Variants in SPATA17 observed in about 807,000 individuals in gnomAD.
SPATA17 encodes spermatogenesis associated 17, also known as spermatogenesis-associated protein 17.
In SPATA17, 53 loss-of-function variants were observed where a neutral mutation model predicts 62.2. That is an observed-to-expected ratio of 0.85 (90% CI 0.68 to 1.07). The LOEUF is 1.07. SPATA17 is among the 50% of genes least tolerant of loss of function. SPATA17 has a pLI of 0.00. For synonymous variants in SPATA17, 146 were observed against 146.8 expected, an observed-to-expected ratio of 0.99 and a Z score of 0.04; for missense variants, 466 against 425.5, an observed-to-expected ratio of 1.10 and a Z score of -0.84.
At chr1:217,853,373 T>A (rs186216250) in intron 9 of SPATA17, among the ~76,000 whole-genome samples, 37 of 152,324 alleles carry the variant, frequency 2.4e-4, no homozygotes, top group African/African-American at 8.7e-4. Context: ...TAAAGAATTA[T>A]TTACAATTCA....
At chr1:217,802,685 G>A (rs1571815261) in intron 9 of SPATA17, among the ~76,000 whole-genome samples, 5 of 152,160 alleles carry the variant, frequency 3.3e-5, no homozygotes, top group Admixed American at 3.3e-4. Flanking sequence ...CCTCCTTACA[G>A]GTTCCGTCTC....
chr1:217,855,129 T>A (rs780466703), intron 9 of SPATA17, among the ~76,000 whole-genome samples: 18 of 152,212 alleles, frequency 1.2e-4, no homozygotes, highest in Admixed American at 4.6e-4. Flanking sequence ...CAGTTTCAAT[T>A]GTTATTCCCC....
intron 8 of SPATA17, among the ~76,000 whole-genome samples, chr1:217,799,154 A>C (rs1674231039): frequency 6.6e-6 from 1 of 152,146 alleles, no homozygotes; most frequent in African/African-American, 2.4e-5. Flanking sequence ...TAAAATATCT[A>C]AATATTTTTG....
chr1:217,778,549 T>C (rs1248503399), intron 7 of SPATA17, among the ~76,000 whole-genome samples: 1 of 152,058 alleles, frequency 6.6e-6, no homozygotes, highest in Non-Finnish European at 1.5e-5. Context: ...TAAACCACGT[T>C]GCATGCTATA....
chr1:217,767,131 A>G (rs1673319640), intron 6 of SPATA17, among the ~76,000 whole-genome samples: 1 of 152,156 alleles, frequency 6.6e-6, no homozygotes, highest in Non-Finnish European at 1.5e-5. Flanking sequence ...GGATAATTTT[A>G]TAGGGTAGAG....
intron 3 of SPATA17, among the ~76,000 whole-genome samples, chr1:217,652,525 C>A (rs920329866): frequency 6.6e-6 from 1 of 152,036 alleles, no homozygotes. Flanking sequence ...TGAGCCACCA[C>A]GCCCGGCCAA....
At chr1:217,831,439 G>C (rs1181303751) in intron 9 of SPATA17, among the ~76,000 whole-genome samples, 1 of 151,896 alleles carries the variant, frequency 6.6e-6, no homozygotes, top group South Asian at 2.1e-4. Context: ...CGACACAGTT[G>C]GTCAAATTAT....
At chr1:217,784,924 G>A (rs889557948) in intron 8 of SPATA17, 8 of 152,262 alleles carry the variant, frequency 5.3e-5, no homozygotes, top group Admixed American at 5.2e-4. Flanking sequence ...CCATAGCAAA[G>A]TACCACAAAC....
At chr1:217,764,970 T>C (rs1308639682) in intron 6 of SPATA17, among the ~76,000 whole-genome samples, 3 of 152,120 alleles carry the variant, frequency 2.0e-5, no homozygotes, top group African/African-American at 7.2e-5. Context: ...TTCCTGATCT[T>C]AGAGGGATAA....
chr1:217,719,533 C>T (rs985445504), intron 5 of SPATA17, among the ~76,000 whole-genome samples: 2 of 152,142 alleles, frequency 1.3e-5, no homozygotes, highest in East Asian at 1.9e-4. Flanking sequence ...AGGAATGAAG[C>T]ACTTCATATA....
At chr1:217,810,226 A>G (rs1305291114) in intron 9 of SPATA17, among the ~76,000 whole-genome samples, 1 of 152,252 alleles carries the variant, frequency 6.6e-6, no homozygotes, top group Non-Finnish European at 1.5e-5. Flanking sequence ...TTGGATACAC[A>G]GTAAAAAGAA....
rs1031141235 is a variant in SPATA17 at position 217,858,817 on chromosome 1, C to T, written c.1006-3957C>T. ...GGCCAAGGCGGGTGGATCACAAGGT[C>T]GGGAGTTCGAGACCAGCCTGGCCAA... On this transcript the variant is annotated intron_variant, in intron 9 of 10. Transcript: ENST00000366933. 7.9e-5 allele frequency among the ~76,000 whole-genome samples: 12 copies of T among 152,008 alleles called. No homozygotes were observed. The East Asian group carries it at 1.2e-3, about 15-fold the overall frequency.
intron 3 of SPATA17, among the ~76,000 whole-genome samples, chr1:217,666,935 C>A (rs1396690816): frequency 6.6e-6 from 1 of 152,000 alleles, no homozygotes; most frequent in Non-Finnish European, 1.5e-5. Flanking sequence ...TGCTTTCTCA[C>A]CTCTTAACTA....
Position 217,868,265 on chromosome 1 carries a change from T to A in SPATA17, c.*1246T>A, listed in dbSNP as rs768023313. The A allele has an allele frequency of 1.3e-5, 2 of 152,212 alleles. No individual in the cohort carries two copies. The highest frequency in any genetic ancestry group is 2.1e-4 in the South Asian group (1 of 4,836). The allele number at this position is 152,212 out of a possible 1,614,324, so 9.4% of individuals were successfully genotyped here. On this transcript the variant is annotated 3_prime_UTR_variant, in exon 11 of 11. Coordinates refer to ENST00000366933, the MANE Select transcript of SPATA17 (RefSeq NM_138796.4). ...GTTATAGATATAAATGTTGAAATAT[T>A]TACAGATGCAGTGATATGTTGGCTG...
At chr1:217,803,106 G>A (rs984429000) in intron 9 of SPATA17, among the ~76,000 whole-genome samples, 3 of 152,084 alleles carry the variant, frequency 2.0e-5, no homozygotes, top group Admixed American at 1.3e-4. Context: ...TAGAGACAGG[G>A]TTTCACCCTG....
At chr1:217,640,665 T>C (rs1670042012) in intron 1 of SPATA17, among the ~76,000 whole-genome samples, 2 of 152,092 alleles carry the variant, frequency 1.3e-5, no homozygotes, top group African/African-American at 4.8e-5. Flanking sequence ...ATAACTTGTA[T>C]CTATTTGCAA....
chr1:217,776,205 G>A (rs1221663493), intron 7 of SPATA17, among the ~76,000 whole-genome samples: 1 of 152,234 alleles, frequency 6.6e-6, no homozygotes, highest in African/African-American at 2.4e-5. Flanking sequence ...TGAGGCTAAA[G>A]GGTAGAGTGG....
intron 4 of SPATA17, among the ~76,000 whole-genome samples, chr1:217,682,897 T>C (rs956608300): frequency 4.0e-5 from 6 of 151,854 alleles, no homozygotes; most frequent in African/African-American, 1.5e-4. Context: ...TGAGACCAAA[T>C]ACAACCTTAA....
At chr1:217,718,732 A>G (rs1219284856) in intron 5 of SPATA17, among the ~76,000 whole-genome samples, 3 of 152,196 alleles carry the variant, frequency 2.0e-5, no homozygotes, top group Non-Finnish European at 2.9e-5. Context: ...CAATCAGTCA[A>G]TCTTATTATG....
Sources: allele counts gnomAD v4.1 joint callset (sites outside exome capture counted in the v4.1 genomes callset), GRCh38; gene constraint gnomAD v4.1.1; transcripts MANE v1.5; gene names NCBI Gene and HGNC (gene_info 2026-07-23, HGNC 2026-07-21).